TIAM2: variants seen among roughly 807,000 people sequenced by gnomAD.
The protein encoded by TIAM2 is rho guanine nucleotide exchange factor TIAM2.
In TIAM2, 80 loss-of-function variants were observed where a neutral mutation model predicts 152.9. The ratio of observed to expected loss-of-function variants is 0.52; its 90% confidence interval spans 0.44 to 0.63. The LOEUF (loss-of-function observed/expected upper bound fraction) is 0.63. Among genes scored for constraint, TIAM2 ranks in the 30% least tolerant of loss-of-function variants. The probability of loss-of-function intolerance (pLI) is 0.00; values close to 1 mark genes in which losing one functional copy is unlikely to be tolerated. For synonymous variants in TIAM2, 804 were observed against 838.0 expected (o/e 0.96, Z 0.70); for missense variants, 1,965 against 2,120.1 (o/e 0.93, Z 1.44).
chr6:155,252,479 A>C (rs935200475), intron 23 of TIAM2, among the ~76,000 whole-genome samples: 10 of 152,206 alleles, frequency 6.6e-5, no homozygotes, highest in African/African-American at 2.2e-4. Context: ...TAAATACATA[A>C]ATAAGTAAAT....
chr6:155,129,470 T>A lies in TIAM2; in HGVS notation c.247T>A (p.Cys83Ser). Residue 83 changes from cysteine to serine, a missense_variant, in exon 4 of 27, where the codon TGC becomes AGC. By Grantham distance (112) the Cys-to-Ser change is moderately radical. Around this residue, in one of 3 missense-constraint regions of TIAM2, gnomAD observed 1,025 missense variants for 1,119.4 expected, o/e 0.92. Transcript: ENST00000682666. This position sits in a 1 kb window ranked among gnomAD's most constrained non-coding sequence, Gnocchi z 4.8. The part of the protein sequence containing the change: ...PYASRLGGPT[C>S]KVSRGVAYST... ...CGCATCGAGACTCGGTGGCCCCACATGCAAGGTCTCCAGAGGTGTTGCCTA... is the reference window on the plus strand; with the variant it reads ...CGCATCGAGACTCGGTGGCCCCACAAGCAAGGTCTCCAGAGGTGTTGCCTA... 6.2e-7 allele frequency: 1 copy of A among 1,614,078 alleles called. No individual in the cohort carries two copies. The highest frequency in any genetic ancestry group is 8.5e-7 in the Non-Finnish European group (1 of 1,180,010).
In TIAM2 at chr6:155,141,091, G is replaced by A. The variant is rs536083601; in HGVS notation, c.1630+3479G>A. On this transcript the variant is annotated intron_variant, in intron 5 of 26. Transcript: ENST00000682666. ...GTTGTCACTGAGCATTGCTAGATTTGTAGTCTTGGCTAGGTCCTGCTTTCC... is the reference window on the plus strand; with the variant it reads ...GTTGTCACTGAGCATTGCTAGATTTATAGTCTTGGCTAGGTCCTGCTTTCC... Among the ~76,000 whole-genome samples, 3 of 152,304 alleles carry A rather than the reference G, an allele frequency of 2.0e-5. No homozygotes were observed. The East Asian group carries it at 5.8e-4, about 29-fold the overall frequency.
rs535199451 is a variant in TIAM2, at chr6:155,222,900, G to A, written c.3168+11593G>A. Among the ~76,000 whole-genome samples, 16 of 152,320 alleles carry A rather than the reference G, an allele frequency of 1.1e-4. No homozygotes were observed. In the South Asian group the frequency reaches 1.5e-3, roughly 14 times the overall value. ...AACCCTATTAGAATTTGCTTCGGTC[G>A]TTTATTGTCCTTCATGCATTTCATT... On this transcript the variant is annotated intron_variant, in intron 15 of 26. Transcript: ENST00000682666.
intron 18 of TIAM2, 85 bp downstream of exon 18, chr6:155,244,868 A>G: frequency 1.4e-6 from 2 of 1,442,614 alleles, no homozygotes; most frequent in Non-Finnish European, 1.9e-6. Context: ...ATGAGAAAGA[A>G]TTTCTTGTCC....
At chr6:155,017,536 A>G (rs201691286) in intron 1 of TIAM2, among the ~76,000 whole-genome samples, 4 of 124,402 alleles carry the variant, frequency 3.2e-5, no homozygotes, top group South Asian at 4.8e-4. Flanking sequence ...ATGGAGTCTC[A>G]CTCTGTCGCC....
rs116268446 is a variant in TIAM2, at chr6:155,256,583, T to C, written c.4568T>C (p.Leu1523Ser). The part of the protein sequence containing the change: ...GTLLDSDEGS[L>S]SSGTQSSGCP... ...TTGCTGGACTCTGACGAGGGCAGCT[T>C]GAGCAGCGGCACCCAGAGCAGCGGC... Residue 1523 changes from leucine (L) to serine (S), a missense_variant, in exon 27 of 27, where the codon TTG becomes TCG. This residue lies in a region of TIAM2 where 935 missense variants were observed against 980.0 expected (regional missense o/e 0.95). Coordinates refer to ENST00000682666, the MANE Select transcript of TIAM2 (RefSeq NM_012454.4). 1 of 1,614,120 alleles carries C rather than the reference T, an allele frequency of 6.2e-7. No homozygotes were observed. The highest frequency in any genetic ancestry group is 1.7e-5 in the Admixed American group (1 of 60,028).
chr6:155,169,781 A>T (rs1024720601), intron 9 of TIAM2, among the ~76,000 whole-genome samples: 1 of 152,014 alleles, frequency 6.6e-6, no homozygotes, highest in East Asian at 1.9e-4. Flanking sequence ...AACCCACAAC[A>T]TCCCCATGAA....
At chr6:155,150,480 G>A (rs570163091) in intron 7 of TIAM2, among the ~76,000 whole-genome samples, 91 of 152,258 alleles carry the variant, frequency 6.0e-4, no homozygotes, top group Middle Eastern at 3.4e-3. Flanking sequence ...GGTGTTGGGC[G>A]AGCATGGAGA....
chr6:155,136,022 G>A (rs1055792229), intron 4 of TIAM2, among the ~76,000 whole-genome samples: 3 of 151,192 alleles, frequency 2.0e-5, no homozygotes, highest in African/African-American at 4.9e-5. Flanking sequence ...TGAAGAAACC[G>A]TGTCTCTACT....
In TIAM2 at chr6:155,228,543, CGGGTGAAAAAT is replaced by C. The variant is rs1782326528; in HGVS notation, c.3169-11982_3169-11972del. On this transcript the variant is annotated intron_variant, in intron 15 of 26. Transcript: ENST00000682666. ...AGAAGCAAAGCCATATCTTTCTTTC[CGGGTGAAAAAT>C]GGGTTAGAGAAAATGCAGTTCCTGG... Among the ~76,000 whole-genome samples, 4 of 151,944 alleles carry C rather than the reference CGGGTGAAAAAT, an allele frequency of 2.6e-5. 1 individual carries two copies. The highest frequency in any genetic ancestry group is 1.3e-4 in the Admixed American group (2 of 15,240).
intron 1 of TIAM2, among the ~76,000 whole-genome samples, chr6:155,058,103 T>C (rs1483309945): frequency 6.6e-6 from 1 of 152,176 alleles, no homozygotes; most frequent in Non-Finnish European, 1.5e-5. Context: ...TGGTTTTTCC[T>C]GCCCCAGTGC....
intron 7 of TIAM2, among the ~76,000 whole-genome samples, chr6:155,157,296 A>T (rs1445885911): frequency 6.6e-6 from 1 of 151,874 alleles, no homozygotes; most frequent in Non-Finnish European, 1.5e-5. Flanking sequence ...CCTTGTTCTC[A>T]TGCTCCCCTT....
chr6:155,243,877 AGAAT>A, intron 16 of TIAM2, 130 bp from the exon 17 acceptor site: 9 of 278,282 alleles, frequency 3.2e-5, no homozygotes, highest in Admixed American at 1.2e-4. Context: ...AAAAAAAAAA[AGAAT>A]TTCAACAAGG....
At chr6:155,017,099 T>G (rs144741276) in intron 1 of TIAM2, among the ~76,000 whole-genome samples, 1 of 152,226 alleles carries the variant, frequency 6.6e-6, no homozygotes, top group Non-Finnish European at 1.5e-5. Flanking sequence ...AGTTCGAGAC[T>G]AGAATTCCTA....
rs1780707839 is a variant in TIAM2 at position 155,174,296 on chromosome 6, C to T, written c.2362-2520C>T. ...CATAGGAAGTGATGATGGTGCCTTC[C>T]TGAGAGGGCTGGCTGTGAGTGGTGA... On this transcript the variant is annotated intron_variant, in intron 9 of 26. Coordinates refer to ENST00000682666, the MANE Select transcript of TIAM2 (RefSeq NM_012454.4). This position sits in a 1 kb window ranked among gnomAD's most constrained non-coding sequence, Gnocchi z 4.2. Among the ~76,000 whole-genome samples, 2 of 152,020 alleles carry T rather than the reference C, an allele frequency of 1.3e-5. No individual in the cohort carries two copies. The highest frequency in any genetic ancestry group is 4.2e-4 in the South Asian group (2 of 4,814).
At chr6:155,248,288 C>CTAAG in intron 20 of TIAM2, 109 bp downstream of exon 20, 1 of 1,288,504 alleles carries the variant, frequency 7.8e-7, no homozygotes, top group South Asian at 1.5e-5. Flanking sequence ...GTGGCACGTC[C>CTAAG]TAAGTCACTT....
intron 1 of TIAM2, among the ~76,000 whole-genome samples, chr6:155,048,694 A>G (rs139752765): frequency 6.6e-6 from 1 of 152,318 alleles, no homozygotes; most frequent in African/African-American, 2.4e-5. Context: ...TTTGGTTTGA[A>G]ATATTCCAGA....
chr6:155,254,891 C>G, intron 26 of TIAM2: 1 of 230,362 alleles, frequency 4.3e-6, no homozygotes, highest in Admixed American at 4.8e-5. Context: ...CAGAACAGTG[C>G]CAGGCATCCT....
Position 155,137,233 on chromosome 6 carries a change from T to A in TIAM2, c.1251T>A (p.Asn417Lys). The A allele has an allele frequency of 6.2e-7, 1 of 1,614,220 alleles. No individual in the cohort carries two copies. The highest frequency in any genetic ancestry group is 8.5e-7 in the Non-Finnish European group (1 of 1,180,040). ...DYFDSRSDGLNTDVQGSSQAS... is the reference protein window; with the variant it reads ...DYFDSRSDGLKTDVQGSSQAS... ...TTGACAGTCGCTCTGATGGACTGAATACAGATGTGCAGGGATCCTCCCAGG... is the reference window on the plus strand; with the variant it reads ...TTGACAGTCGCTCTGATGGACTGAAAACAGATGTGCAGGGATCCTCCCAGG... Residue 417 changes from asparagine (N) to lysine (K), a missense_variant, in exon 5 of 27, where the codon AAT becomes AAA. This residue lies in a region of TIAM2 where 1,025 missense variants were observed against 1,119.4 expected (regional missense o/e 0.92). Coordinates refer to ENST00000682666, the MANE Select transcript of TIAM2 (RefSeq NM_012454.4).
Sources: allele counts gnomAD v4.1 joint callset (sites outside exome capture counted in the v4.1 genomes callset), GRCh38; gene constraint gnomAD v4.1.1; regional missense constraint gnomAD v4.1.1; non-coding constraint Gnocchi (gnomAD v3.1); transcripts MANE v1.5; gene names NCBI Gene and HGNC (gene_info 2026-07-23, HGNC 2026-07-21).